The following KIF14 variants were observed in gnomAD, a reference collection of about 807,000 sequenced individuals.
The protein encoded by KIF14 is kinesin family member 14.
Under a neutral mutation model 176.2 loss-of-function variants are expected in KIF14, and 98 were observed. The ratio of observed to expected loss-of-function variants is 0.56; its 90% CI spans 0.47 to 0.66. The LOEUF is 0.66. Ranked by LOEUF, KIF14 falls within the 30% of genes least tolerant of loss-of-function variation. The probability of loss-of-function intolerance (pLI) is 0.00; values close to 1 mark genes in which losing one functional copy is unlikely to be tolerated. For synonymous variants in KIF14, 566 were observed against 632.2 expected (o/e 0.90, Z 1.57); for missense variants, 1,751 against 1,920.4 (o/e 0.91, Z 1.65).
At chr1:200,614,790 CAAAAAAAAA>C (rs67447333) in intron 3 of KIF14, among the ~76,000 whole-genome samples, 1 of 74,862 alleles carries the variant, frequency 1.3e-5, no homozygotes, top group Non-Finnish European at 2.3e-5. Context: ...AACCTTGCTA[CAAAAAAAAA>C]AAAAAAAAAA....
At chr1:200,586,264 A>T in intron 18 of KIF14, 37 bp from the exon 19 acceptor site, 1 of 1,484,066 alleles carries the variant, frequency 6.7e-7, no homozygotes, top group South Asian at 1.4e-5. Flanking sequence ...CACATGTGAG[A>T]ATATGCAAAG....
chr1:200,580,655 T>G (rs1168604431), intron 20 of KIF14, among the ~76,000 whole-genome samples: 1 of 152,080 alleles, frequency 6.6e-6, no homozygotes, highest in Non-Finnish European at 1.5e-5. Flanking sequence ...AATTAGCAAA[T>G]TCCTAAAACA....
At position 200,565,242 on chromosome 1, in the gene KIF14, C is replaced by T. The variant is rs1657383637; in HGVS notation, c.3898G>A (p.Asp1300Asn). Residue 1300 changes from aspartate to asparagine, a missense_variant, in exon 25 of 30, where the codon GAT (aspartate) becomes AAT (asparagine). Asp to Asn is a conservative substitution (Grantham distance 23). Transcript: ENST00000367350. ...ATAGTAAGTGACTGGATTGCTCGAT[C>T]AGAAGAAAACACTTTGAAAGAAGAA... ...EESQDNLFSS[D>N]RAIQSLTIQT... The T allele has an allele frequency of 6.3e-7, 1 of 1,588,582 alleles. No individual in the cohort carries two copies. Among genetic ancestry groups the T allele is most frequent in the Non-Finnish European group, 8.5e-7 (1 of 1,171,570 alleles).
intron 21 of KIF14, among the ~76,000 whole-genome samples, chr1:200,577,079 G>A (rs1361357968): frequency 6.6e-6 from 1 of 151,422 alleles, no homozygotes; most frequent in Admixed American, 6.6e-5. Flanking sequence ...AGAGGCTGAG[G>A]CAGGCAGATC....
At chr1:200,570,073 A>G (rs566681689) in intron 22 of KIF14, 68 bp from the exon 23 acceptor site, 12 of 739,742 alleles carry the variant, frequency 1.6e-5, no homozygotes, top group Admixed American at 5.2e-5. Context: ...AAGAATATTT[A>G]TAAGTTCTCT....
chr1:200,614,420 A>G lies in KIF14; in HGVS notation c.1368-15T>C. On this transcript the variant is annotated splice_polypyrimidine_tract_variant and intron_variant, in intron 3 of 29. Coordinates refer to ENST00000367350, the MANE Select transcript of KIF14 (RefSeq NM_014875.3). ...ATCCCATCATCCTGAAAAATACATT[A>G]TGAATAAGGGGGAAATAAAACTAAT... is the stretch of plus-strand genomic sequence containing the variant. 6.9e-7 allele frequency: 1 copy of G among 1,442,520 alleles called. No individual in the cohort carries two copies. The highest frequency in any genetic ancestry group is 9.7e-7 in the Non-Finnish European group (1 of 1,029,302). 89.4% of individuals were successfully genotyped at this position (1,442,520 alleles called of 1,614,324 possible).
intron 19 of KIF14, among the ~76,000 whole-genome samples, chr1:200,583,119 T>C (rs1033381583): frequency 6.6e-6 from 1 of 151,758 alleles, no homozygotes; most frequent in African/African-American, 2.4e-5. Context: ...AATTACTAGA[T>C]GAAAGAGAAG....
chr1:200,566,265 ATTTTC>A (rs752771484), intron 23 of KIF14, among the ~76,000 whole-genome samples: 74 of 151,556 alleles, frequency 4.9e-4, no homozygotes, highest in Non-Finnish European at 8.5e-4. Flanking sequence ...GTAGGAATTA[ATTTTC>A]TTTTCTTTCT....
At chr1:200,614,790 CAAAAAAA>C (rs67447333) in intron 3 of KIF14, among the ~76,000 whole-genome samples, 3 of 74,876 alleles carry the variant, frequency 4.0e-5, no homozygotes, top group South Asian at 6.6e-4. Context: ...AACCTTGCTA[CAAAAAAA>C]AAAAAAAAAA....
chr1:200,606,895 G>T, intron 5 of KIF14, 97 bp from the exon 6 acceptor site: 2 of 984,360 alleles, frequency 2.0e-6, no homozygotes, highest in Non-Finnish European at 1.6e-6. Flanking sequence ...TAAGGTAAGA[G>T]ATTTGTCTTT....
chr1:200,555,455 C>A lies in KIF14; in HGVS notation c.4354-1G>T. On this transcript the variant is annotated splice_acceptor_variant, in intron 27 of 29. Coordinates refer to ENST00000367350, the MANE Select transcript of KIF14 (RefSeq NM_014875.3). LOFTEE classifies it high-confidence loss of function. The stretch of plus-strand genomic sequence containing the variant: ...CATTAGTTTTCATTTCTTTGGTAAC[C>A]TATAGAGAATGTTAAAATATTTTAT... The A allele has an allele frequency of 6.7e-7, 1 of 1,489,804 alleles. No homozygotes were observed. Among genetic ancestry groups the A allele is most frequent in the Non-Finnish European group, 9.1e-7 (1 of 1,095,164 alleles). The allele number at this position is 1,489,804 out of a possible 1,614,324, so 92.3% of individuals were successfully genotyped here. A position where few individuals can be genotyped will look rare whatever the true frequency, so the allele number is the denominator to read the frequency against.
Position 200,590,171 on chromosome 1 carries a change from T to C in KIF14, c.2915A>G (p.Gln972Arg), listed in dbSNP as rs142829168. The change falls in exon 17 of 30, where the codon CAA (glutamine) becomes CGA (arginine). Residue 972 changes from glutamine to arginine, a missense_variant. Gln to Arg is a conservative substitution (Grantham distance 43). Coordinates refer to ENST00000367350, the MANE Select transcript of KIF14 (RefSeq NM_014875.3). ...KEMAQQELSS[Q>R]KAAYESKIKA... ...TATTTTGCTTTCATATGCAGCTTTT[T>C]GAGAAGAAAGCTCTTGCTGAGCCAT... The C allele has an allele frequency of 8.1e-6, 13 of 1,613,444 alleles. No homozygotes were observed. In the African/African-American group the frequency reaches 1.7e-4, roughly 22 times the overall value.
chr1:200,579,895 C>T (rs890964147), intron 21 of KIF14, among the ~76,000 whole-genome samples: 2 of 151,998 alleles, frequency 1.3e-5, no homozygotes, highest in African/African-American at 4.8e-5. Context: ...ATAGGAAGAT[C>T]ATTTCAAATG....
Position 200,552,756 on chromosome 1 carries a change from A to T in KIF14, c.*632T>A, listed in dbSNP as rs1656599377. On this transcript the variant is annotated 3_prime_UTR_variant, in exon 30 of 30. Transcript: ENST00000367350. ...TAGTTAAACTTGTACAGGCCATTTC[A>T]CCATAAACATCCCAGCTGTCTGAGG... The T allele has an allele frequency of 6.6e-6, 1 of 152,100 alleles. No homozygotes were observed. The highest frequency in any genetic ancestry group is 2.4e-5 in the African/African-American group (1 of 41,422). The allele number at this position is 152,100 out of a possible 1,614,324, so 9.4% of individuals were successfully genotyped here. A position where few individuals can be genotyped will look rare whatever the true frequency, so the allele number is the denominator to read the frequency against.
At chr1:200,606,715 C>T in intron 6 of KIF14, 31 bp downstream of exon 6, 15 of 1,579,480 alleles carry the variant, frequency 9.5e-6, no homozygotes, top group Non-Finnish European at 1.3e-5. Context: ...TTTGTTTTAT[C>T]CTCTTTGCCC....
At chr1:200,571,372 A>G (rs931356941) in intron 22 of KIF14, among the ~76,000 whole-genome samples, 1 of 151,162 alleles carries the variant, frequency 6.6e-6, no homozygotes, top group Admixed American at 6.6e-5. Context: ...TTGGCTGCCT[A>G]AGCTGTTATT....
At chr1:200,562,525 T>G (rs1347979541) in intron 25 of KIF14, among the ~76,000 whole-genome samples, 1 of 152,226 alleles carries the variant, frequency 6.6e-6, no homozygotes, top group Non-Finnish European at 1.5e-5. Flanking sequence ...GTTTTTCAAG[T>G]GCCAGTAGTG....
At chr1:200,573,017 T>C (rs142003906) in intron 22 of KIF14, among the ~76,000 whole-genome samples, 15 of 152,296 alleles carry the variant, frequency 9.8e-5, no homozygotes, top group African/African-American at 2.9e-4. Flanking sequence ...TTATTCAATA[T>C]ATATTAAGCA....
intron 15 of KIF14, 50 bp from the exon 16 acceptor site, chr1:200,592,290 A>C (rs1406742457): frequency 6.8e-7 from 1 of 1,472,222 alleles, no homozygotes; most frequent in Admixed American, 2.2e-5. Flanking sequence ...CAACCAAAAA[A>C]TTAAATGAGA....
Sources: allele counts gnomAD v4.1 joint callset (sites outside exome capture counted in the v4.1 genomes callset), GRCh38; gene constraint gnomAD v4.1.1; transcripts MANE v1.5; gene names NCBI Gene and HGNC (gene_info 2026-07-23, HGNC 2026-07-21).